PTPRD: variants seen among roughly 807,000 people sequenced by gnomAD.
The protein encoded by PTPRD is protein tyrosine phosphatase receptor type D.
Under a neutral mutation model 214.5 loss-of-function variants are expected in PTPRD, and 34 were observed. The observed-to-expected ratio is 0.16, with a 90% CI of 0.12 to 0.21. PTPRD has a LOEUF of 0.21. Ranked by LOEUF, PTPRD falls within the 10% of genes least tolerant of loss-of-function variation. PTPRD has a pLI of 1.00. For missense variants in PTPRD, 2,545 were observed against 2,398.7 expected (o/e 1.06, Z -1.27); for synonymous variants, 1,128 against 845.7 (o/e 1.33, Z -5.79).
chr9:8,554,778 G>C (rs1306671410), intron 14 of PTPRD, among the ~76,000 whole-genome samples: 1 of 152,282 alleles, frequency 6.6e-6, no homozygotes, highest in East Asian at 1.9e-4. Context: ...AGCTGTCAGA[G>C]AAATATATGA....
intron 11 of PTPRD, among the ~76,000 whole-genome samples, chr9:8,856,285 G>A (rs1036117354): frequency 3.3e-5 from 5 of 152,130 alleles, no homozygotes; most frequent in African/African-American, 1.2e-4. Flanking sequence ...AAGTTGAGTG[G>A]TTGGTGTGTG....
chr9:10,009,349 G>C (rs2096551350), intron 4 of PTPRD, among the ~76,000 whole-genome samples: 3 of 151,944 alleles, frequency 2.0e-5, no homozygotes, highest in African/African-American at 7.2e-5. Context: ...ACATTTTAGG[G>C]AGACAGACAG....
chr9:8,743,186 C>T (rs1232057911), intron 11 of PTPRD, among the ~76,000 whole-genome samples: 2 of 151,238 alleles, frequency 1.3e-5, no homozygotes, highest in Admixed American at 6.6e-5. Flanking sequence ...TGTTTTCATA[C>T]ATAAACTCAA....
intron 6 of PTPRD, among the ~76,000 whole-genome samples, chr9:9,761,001 A>T (rs929977791): frequency 6.6e-6 from 1 of 152,326 alleles, no homozygotes; most frequent in South Asian, 2.1e-4. Context: ...GCAGTTTCTT[A>T]TAAGACTAAA....
chr9:10,001,540 A>T (rs2096314261), intron 4 of PTPRD, among the ~76,000 whole-genome samples: 1 of 152,166 alleles, frequency 6.6e-6, no homozygotes, highest in African/African-American at 2.4e-5. Flanking sequence ...GTCACTGTCA[A>T]TAAGATTAAA....
intron 2 of PTPRD, among the ~76,000 whole-genome samples, chr9:10,469,713 G>A (rs985840849): frequency 7.9e-5 from 12 of 151,978 alleles, no homozygotes; most frequent in Non-Finnish European, 1.2e-4. Flanking sequence ...GCACTCCCAC[G>A]TTTATCACAG....
chr9:9,585,160 A>C (rs1738390368), intron 7 of PTPRD, among the ~76,000 whole-genome samples: 1 of 151,438 alleles, frequency 6.6e-6, no homozygotes, highest in African/African-American at 2.4e-5. Context: ...TTTTGCCTTT[A>C]TTTTCTCTTC....
intron 4 of PTPRD, among the ~76,000 whole-genome samples, chr9:9,989,016 C>CAAAAAAAAAAAAAAAAAAAAAA (rs397836899): frequency 2.8e-5 from 1 of 36,288 alleles, no homozygotes; most frequent in Non-Finnish European, 5.6e-5. Context: ...TTTCACTGAC[C>CAAAAAAAAAAAAAAAAAAAAAA]AAAAAAAAAA....
chr9:8,371,021 A>C (rs371829386), intron 39 of PTPRD, among the ~76,000 whole-genome samples: 5 of 152,238 alleles, frequency 3.3e-5, no homozygotes, highest in African/African-American at 1.2e-4. Context: ...AGATTATTTG[A>C]TGTTGAATAA....
At chr9:9,572,774 G>A (rs188906303) in intron 8 of PTPRD, among the ~76,000 whole-genome samples, 47 of 151,144 alleles carry the variant, frequency 3.1e-4, no homozygotes, top group African/African-American at 1.1e-3. Flanking sequence ...AACGAATAGT[G>A]TAACCACATG....
At chr9:8,738,890 G>A (rs1306443380) in intron 11 of PTPRD, among the ~76,000 whole-genome samples, 3 of 152,112 alleles carry the variant, frequency 2.0e-5, no homozygotes, top group Non-Finnish European at 1.5e-5. Context: ...CATCTCAGAA[G>A]CAATATCATA....
chr9:10,097,880 T>C (rs2098507970), intron 3 of PTPRD, among the ~76,000 whole-genome samples: 1 of 151,666 alleles, frequency 6.6e-6, no homozygotes, highest in African/African-American at 2.4e-5. Context: ...TAGGAACACT[T>C]TCACACTGTT....
chr9:8,325,010 T>C (rs1832223894), intron 44 of PTPRD, among the ~76,000 whole-genome samples: 1 of 151,998 alleles, frequency 6.6e-6, no homozygotes, highest in African/African-American at 2.4e-5. Flanking sequence ...CTTTGTCAGA[T>C]GGATAGATAG....
At chr9:9,059,754 T>A (rs573315210) in intron 10 of PTPRD, among the ~76,000 whole-genome samples, 3 of 151,972 alleles carry the variant, frequency 2.0e-5, no homozygotes, top group Non-Finnish European at 2.9e-5. Context: ...GGTAAATATA[T>A]AAAAATAAAT....
Position 9,196,042 on chromosome 9 carries a change from G to C in PTPRD, c.-202-12679C>G, listed in dbSNP as rs553754228. ...GGATAGTCCTCTGGACATAAAGATGGGGAGGCCAAGATTCTAGCCCATGTC... is the reference window on the plus strand; with the variant it reads ...GGATAGTCCTCTGGACATAAAGATGCGGAGGCCAAGATTCTAGCCCATGTC... On this transcript the variant is annotated intron_variant, in intron 9 of 45. Coordinates refer to ENST00000381196, the MANE Select transcript of PTPRD (RefSeq NM_002839.4). Among the ~76,000 whole-genome samples the C allele has an allele frequency of 3.3e-5, 5 of 152,112 alleles. No homozygotes were observed. The South Asian group carries it at 1.0e-3, about 32-fold the overall frequency.
chr9:10,281,665 C>T (rs1376747317), intron 3 of PTPRD, among the ~76,000 whole-genome samples: 2 of 152,118 alleles, frequency 1.3e-5, no homozygotes, highest in East Asian at 3.8e-4. Context: ...ACATATGTAA[C>T]AAGTTCTGCT....
intron 7 of PTPRD, among the ~76,000 whole-genome samples, chr9:9,596,811 A>C (rs2093387314): frequency 6.6e-6 from 1 of 152,078 alleles, no homozygotes; most frequent in Non-Finnish European, 1.5e-5. Context: ...TAGAAATATA[A>C]AACACAATCT....
intron 12 of PTPRD, among the ~76,000 whole-genome samples, chr9:8,710,880 C>T (rs2098319291): frequency 6.6e-6 from 1 of 152,082 alleles, no homozygotes; most frequent in East Asian, 1.9e-4. Context: ...ATAAAACTAG[C>T]CTTAAACTTT....
intron 9 of PTPRD, among the ~76,000 whole-genome samples, chr9:9,307,583 A>G (rs540891335): frequency 4.6e-5 from 7 of 152,094 alleles, no homozygotes; most frequent in African/African-American, 1.2e-4. Flanking sequence ...CATTCTAACT[A>G]CTGTTGCTTT....
Sources: allele counts gnomAD v4.1 joint callset (sites outside exome capture counted in the v4.1 genomes callset), GRCh38; gene constraint gnomAD v4.1.1; transcripts MANE v1.5; gene names NCBI Gene and HGNC (gene_info 2026-07-23, HGNC 2026-07-21).